NDRG1: variants seen among roughly 807,000 people sequenced by gnomAD.
The protein encoded by NDRG1 is protein NDRG1.
Under a neutral mutation model 56.9 loss-of-function variants are expected in NDRG1, and 32 were observed. The observed-to-expected ratio is 0.56, with a 90% CI of 0.42 to 0.76. NDRG1 has a LOEUF of 0.76. Among genes scored for constraint, NDRG1 ranks in the 30% least tolerant of loss-of-function variants. The pLI is 0.00. For missense variants in NDRG1, 507 were observed against 545.7 expected (o/e 0.93, Z 0.71); for synonymous variants, 211 against 204.1 (o/e 1.03, Z -0.29).
In NDRG1 at chr8:133,296,441, C is replaced by A. The variant is rs1254320325; in HGVS notation, c.-19+693G>T. The A allele has an allele frequency of 1.3e-5, 6 of 455,216 alleles. No individual in the cohort carries two copies. The East Asian group carries it at 2.8e-4, about 21-fold the overall frequency. 28.2% of individuals were successfully genotyped at this position (455,216 alleles called of 1,614,324 possible). ...CAGTGGCGCTCGCAGACACTTGCTC[C>A]GGCTCGCGTGTTGCACTGTGACACA... On this transcript the variant is annotated intron_variant, in intron 1 of 15. Coordinates refer to ENST00000323851, the MANE Select transcript of NDRG1 (RefSeq NM_006096.4).
intron 8 of NDRG1, 102 bp from the exon 9 acceptor site, chr8:133,254,697 C>T (rs1183892579): frequency 8.7e-7 from 1 of 1,148,972 alleles, no homozygotes; most frequent in Non-Finnish European, 1.3e-6. Flanking sequence ...CATTGCTGGA[C>T]TCCCCCCTAC....
At chr8:133,283,818 T>C (rs961749675) in intron 2 of NDRG1, among the ~76,000 whole-genome samples, 1 of 152,252 alleles carries the variant, frequency 6.6e-6, no homozygotes, top group Non-Finnish European at 1.5e-5. Context: ...GTGGCTTTAA[T>C]GAGAGCTGAG....
chr8:133,265,879 C>G (rs1476644611), intron 3 of NDRG1, among the ~76,000 whole-genome samples: 4 of 152,236 alleles, frequency 2.6e-5, no homozygotes, highest in Non-Finnish European at 5.9e-5. Context: ...CAAGGTCAAC[C>G]AGAAGTTCCC....
chr8:133,249,102 C>T (rs184216554), intron 10 of NDRG1, among the ~76,000 whole-genome samples: 13 of 152,232 alleles, frequency 8.5e-5, no homozygotes, highest in African/African-American at 2.9e-4. Context: ...AGAGCCCCCA[C>T]CTGACAGAGG....
chr8:133,293,916 G>T (rs1858578583), intron 1 of NDRG1, among the ~76,000 whole-genome samples: 1 of 152,218 alleles, frequency 6.6e-6, no homozygotes, highest in African/African-American at 2.4e-5. Flanking sequence ...ACAGCCTTGG[G>T]TAGGTTTAGG....
chr8:133,246,507 A>T, intron 13 of NDRG1, 109 bp downstream of exon 13: 1 of 1,106,054 alleles, frequency 9.0e-7, no homozygotes, highest in Non-Finnish European at 1.4e-6. Context: ...TTAATTCTAT[A>T]GTTTCTGATC....
intron 3 of NDRG1, among the ~76,000 whole-genome samples, chr8:133,268,887 A>ACACG (rs1254808140): frequency 1.3e-5 from 2 of 149,744 alleles, no homozygotes; most frequent in Non-Finnish European, 3.0e-5. Flanking sequence ...ACACACACAC[A>ACACG]CAACAAACAC....
At chr8:133,272,646 C>T (rs1393493717) in intron 3 of NDRG1, among the ~76,000 whole-genome samples, 1 of 152,086 alleles carries the variant, frequency 6.6e-6, no homozygotes, top group Non-Finnish European at 1.5e-5. Context: ...GAGGGTGCTC[C>T]TAGGAAACCC....
rs566176058 is a variant in NDRG1, at chr8:133,277,539, C to T, written c.99+2693G>A. On this transcript the variant is annotated intron_variant, in intron 3 of 15. Coordinates refer to ENST00000323851, the MANE Select transcript of NDRG1 (RefSeq NM_006096.4). ...CCAAGATCGCACCACTACACTCCAG[C>T]CTGGATGACAGAGCAAGACTCTGTC... is the stretch of plus-strand genomic sequence containing the variant. Among the ~76,000 whole-genome samples, 277 of 152,170 alleles carry T rather than the reference C, an allele frequency of 1.8e-3. 1 individual carries two copies. The highest frequency in any genetic ancestry group is 6.3e-3 in the African/African-American group (262 of 41,508).
chr8:133,265,166 C>G (rs1856854537), intron 3 of NDRG1, among the ~76,000 whole-genome samples: 1 of 152,208 alleles, frequency 6.6e-6, no homozygotes, highest in Admixed American at 6.5e-5. Context: ...CCCCCCTCCC[C>G]ACGTTTCACA....
chr8:133,271,965 G>A (rs1857214447), intron 3 of NDRG1, among the ~76,000 whole-genome samples: 1 of 152,022 alleles, frequency 6.6e-6, no homozygotes, highest in South Asian at 2.1e-4. Flanking sequence ...ACAGCCTTTG[G>A]GGCTGAAGTA....
At chr8:133,256,699 G>A (rs1856390748) in intron 8 of NDRG1, 78 bp downstream of exon 8, 2 of 1,387,072 alleles carry the variant, frequency 1.4e-6, no homozygotes, top group Non-Finnish European at 2.0e-6. Flanking sequence ...TAGCTCCAGG[G>A]ATCCCCCAGG....
At chr8:133,266,593 C>T (rs897148688) in intron 3 of NDRG1, among the ~76,000 whole-genome samples, 1 of 152,158 alleles carries the variant, frequency 6.6e-6, no homozygotes, top group Non-Finnish European at 1.5e-5. Flanking sequence ...CTGTGAGTGA[C>T]CCCCCGTGAA....
At chr8:133,287,451 G>A (rs1416080650) in intron 1 of NDRG1, among the ~76,000 whole-genome samples, 1 of 152,224 alleles carries the variant, frequency 6.6e-6, no homozygotes, top group African/African-American at 2.4e-5. Flanking sequence ...CTGGCTATGG[G>A]ACTCATCTGG....
chr8:133,261,951 C>T, intron 5 of NDRG1, 96 bp downstream of exon 5: 4 of 1,443,358 alleles, frequency 2.8e-6, no homozygotes, highest in South Asian at 1.5e-5. Context: ...TATATTTTAC[C>T]ACAGTTAAAA....
At chr8:133,257,314 C>CAG (rs1400226684) in intron 7 of NDRG1, among the ~76,000 whole-genome samples, 7 of 116,206 alleles carry the variant, frequency 6.0e-5, no homozygotes, top group South Asian at 6.0e-4. Context: ...CACACACACA[C>CAG]ACAGAGAGAG....
At chr8:133,243,965 T>C (rs1048705730) in intron 14 of NDRG1, among the ~76,000 whole-genome samples, 31 of 152,088 alleles carry the variant, frequency 2.0e-4, no homozygotes, top group African/African-American at 7.2e-4. Flanking sequence ...CGTGTACACA[T>C]GCACACACAG....
chr8:133,294,990 G>A (rs921920394), intron 1 of NDRG1, among the ~76,000 whole-genome samples: 2 of 152,146 alleles, frequency 1.3e-5, no homozygotes, highest in African/African-American at 4.8e-5. Context: ...CCCCATCCCT[G>A]TGCCTCATTT....
intron 2 of NDRG1, among the ~76,000 whole-genome samples, chr8:133,283,234 T>C (rs375888892): frequency 2.8e-4 from 43 of 152,214 alleles, no homozygotes; most frequent in East Asian, 1.2e-3. Context: ...TGAACCAAAG[T>C]TGAAATACGG....
Sources: allele counts gnomAD v4.1 joint callset (sites outside exome capture counted in the v4.1 genomes callset), GRCh38; gene constraint gnomAD v4.1.1; transcripts MANE v1.5; gene names NCBI Gene and HGNC (gene_info 2026-07-23, HGNC 2026-07-21).